Variants in RAP1A observed in about 807,000 individuals in gnomAD.
RAP1A encodes the protein RAP1A, member of RAS oncogene family.
Under a neutral mutation model 26.4 loss-of-function variants are expected in RAP1A, and 6 were observed. The ratio of observed to expected loss-of-function variants is 0.23; its 90% CI spans 0.12 to 0.45. The LOEUF (loss-of-function observed/expected upper bound fraction) is 0.45, where lower values mean the gene tolerates loss of function less well. Ranked by LOEUF, RAP1A falls within the 20% of genes least tolerant of loss-of-function variation. RAP1A has a pLI of 0.99. For synonymous variants in RAP1A, 73 were observed against 79.4 expected (o/e 0.92, Z 0.43); for missense variants, 121 against 217.2 (o/e 0.56, Z 2.78).
intron 1 of RAP1A, among the ~76,000 whole-genome samples, chr1:111,559,892 T>C (rs894718669): frequency 1.3e-5 from 2 of 152,204 alleles, no homozygotes; most frequent in South Asian, 4.1e-4. Flanking sequence ...TCTACTCTCA[T>C]GTATGCCTTG....
chr1:111,648,272 C>A (rs2101130398), intron 1 of RAP1A: 1 of 940,030 alleles, frequency 1.1e-6, no homozygotes, highest in Non-Finnish European at 1.6e-6. Context: ...CAAAGGGTAC[C>A]CTGCTTCTGC....
chr1:111,666,561 A>C (rs770636367), intron 1 of RAP1A, among the ~76,000 whole-genome samples: 5 of 152,174 alleles, frequency 3.3e-5, no homozygotes, highest in Non-Finnish European at 5.9e-5. Context: ...AGGTTTTAAC[A>C]CTAATTCTGA....
chr1:111,661,883 G>A lies in RAP1A; in HGVS notation c.-27-29451G>A, dbSNP rs190845756. Among the ~76,000 whole-genome samples, 21 of 151,188 alleles carry A rather than the reference G, an allele frequency of 1.4e-4. No homozygotes were observed. In the East Asian group the frequency reaches 2.1e-3, roughly 15 times the overall value. On this transcript the variant is annotated intron_variant, in intron 1 of 7. Coordinates refer to ENST00000369709, the MANE Select transcript of RAP1A (RefSeq NM_002884.4). ...AAGAAAGTAGAATGACTTTCCCAAC[G>A]TAATTCTTCAGAATAAACCCTAGAA...
chr1:111,542,697 T>TTTTTG lies in RAP1A; in HGVS notation c.-28+192_-28+193insGTTTT, dbSNP rs1491534782. Among the ~76,000 whole-genome samples, 17 of 3,456 alleles carry TTTTTG rather than the reference T, an allele frequency of 4.9e-3. No homozygotes were observed. In the Non-Finnish European group the frequency reaches 0.41, roughly 83 times the overall value. 2.3% of individuals were successfully genotyped at this position (3,456 alleles called of 152,430 possible). On this transcript the variant is annotated intron_variant, in intron 1 of 7. Transcript: ENST00000356415. Reference sequence around the variant, plus strand: ...AAACTTGTCTTTGTTTTTGTTTTTGTTTTTTTTTTCTTTTTTTGAGATGGA... The same window carrying TTTTTG: ...AAACTTGTCTTTGTTTTTGTTTTTGTTTTTGTTTTTTTTTCTTTTTTTGAGATGGA...
At chr1:111,708,980 C>T (rs928610462) in intron 6 of RAP1A, among the ~76,000 whole-genome samples, 169 bp from the exon 7 acceptor site, 1 of 152,146 alleles carries the variant, frequency 6.6e-6, no homozygotes, top group Non-Finnish European at 1.5e-5. Flanking sequence ...TAGGTAAGTC[C>T]TGCTTTCTAC....
chr1:111,699,755 A>T (rs1460547148), intron 4 of RAP1A, among the ~76,000 whole-genome samples: 2 of 152,146 alleles, frequency 1.3e-5, no homozygotes, highest in East Asian at 3.9e-4. Flanking sequence ...GGTGTGAGCC[A>T]CTGCACCCAG....
chr1:111,706,795 A>G, intron 6 of RAP1A: 1 of 925,272 alleles, frequency 1.1e-6, no homozygotes, highest in Non-Finnish European at 1.3e-6. Context: ...ATGTTTTCCA[A>G]AGAAATAATT....
At chr1:111,555,014 A>C (rs1227946989) in intron 1 of RAP1A, among the ~76,000 whole-genome samples, 1 of 152,098 alleles carries the variant, frequency 6.6e-6, no homozygotes, top group Non-Finnish European at 1.5e-5. Context: ...TATATATAAC[A>C]CATTTAAAAG....
At chr1:111,671,065 A>T (rs1259573228) in intron 1 of RAP1A, among the ~76,000 whole-genome samples, 1 of 152,264 alleles carries the variant, frequency 6.6e-6, no homozygotes, top group Non-Finnish European at 1.5e-5. Flanking sequence ...AAATTTCTTT[A>T]AAACAGTAGA....
Position 111,597,435 on chromosome 1 carries a change from G to A in RAP1A, c.-28+54926G>A, listed in dbSNP as rs550778417. Among the ~76,000 whole-genome samples, 79 of 152,252 alleles carry A rather than the reference G, an allele frequency of 5.2e-4. No individual in the cohort carries two copies. In the South Asian group the frequency reaches 7.1e-3, roughly 14 times the overall value. Reference sequence around the variant, plus strand: ...GAAATAAAAAGCATGAACATTACAAGTGGATTTTGTCGTAATCCTACATAT... The same window carrying A: ...GAAATAAAAAGCATGAACATTACAAATGGATTTTGTCGTAATCCTACATAT... On this transcript the variant is annotated intron_variant, in intron 1 of 7. Coordinates refer to the RAP1A transcript ENST00000356415.
At chr1:111,625,996 C>T (rs541908367) in intron 1 of RAP1A, among the ~76,000 whole-genome samples, 8 of 151,942 alleles carry the variant, frequency 5.3e-5, no homozygotes, top group Non-Finnish European at 1.2e-4. Context: ...TTTAAGTAAC[C>T]CCAAATTAGG....
chr1:111,688,557 C>CAATT (rs1357376259), intron 1 of RAP1A, among the ~76,000 whole-genome samples: 1 of 151,820 alleles, frequency 6.6e-6, no homozygotes. Flanking sequence ...TGAGCTCAGG[C>CAATT]AATTTGCCCA....
chr1:111,647,371 C>G (rs2101128681), intron 1 of RAP1A, among the ~76,000 whole-genome samples: 1 of 152,156 alleles, frequency 6.6e-6, no homozygotes, highest in Admixed American at 6.5e-5. Context: ...TGTTTCATAT[C>G]ATTATTATTA....
intron 1 of RAP1A, among the ~76,000 whole-genome samples, chr1:111,640,934 A>G (rs1659870975): frequency 1.3e-5 from 2 of 152,212 alleles, no homozygotes; most frequent in Non-Finnish European, 2.9e-5. Flanking sequence ...ACTACACTCC[A>G]GCCTAGGTGA....
At chr1:111,703,848 C>G (rs924996869) in intron 5 of RAP1A, among the ~76,000 whole-genome samples, 1 of 152,176 alleles carries the variant, frequency 6.6e-6, no homozygotes, top group African/African-American at 2.4e-5. Context: ...GTTTTTATTT[C>G]TAAAATTCCA....
At chr1:111,707,073 A>G (rs1441672237) in intron 6 of RAP1A, among the ~76,000 whole-genome samples, 1 of 152,198 alleles carries the variant, frequency 6.6e-6, no homozygotes, top group Admixed American at 6.5e-5. Flanking sequence ...AGAAACTACA[A>G]TTTTGTTTAT....
intron 1 of RAP1A, among the ~76,000 whole-genome samples, chr1:111,575,431 G>A (rs1406862794): frequency 1.3e-5 from 2 of 152,190 alleles, no homozygotes; most frequent in Non-Finnish European, 2.9e-5. Flanking sequence ...GGGGTTACAG[G>A]TGTGGGCCAC....
chr1:111,602,441 A>G (rs1490007751), intron 1 of RAP1A: 1 of 152,208 alleles, frequency 6.6e-6, no homozygotes, highest in Non-Finnish European at 1.5e-5. Context: ...ATAGTGACCA[A>G]TATAGAGTTG....
upstream of RAP1A, chr1:111,619,751 C>G: frequency 2.5e-6 from 1 of 395,064 alleles, no homozygotes; most frequent in Middle Eastern, 6.4e-4. Flanking sequence ...GGGGCGGGGC[C>G]TGCGTGGTGC....
Sources: gnomAD v4.1 joint callset for allele counts (sites outside exome capture counted in the v4.1 genomes callset) on GRCh38, gnomAD v4.1.1 for gene constraint, MANE v1.5 for transcripts, NCBI Gene and HGNC (gene_info 2026-07-23, HGNC 2026-07-21) for gene names.